The following NBEA variants were observed in gnomAD, a reference collection of about 807,000 sequenced individuals.
NBEA encodes the protein neurobeachin, also known as lysosomal-trafficking regulator 2.
A neutral mutation model predicts 343.4 loss-of-function variants in NBEA; 44 were observed. The ratio of observed to expected loss-of-function variants is 0.13; its 90% CI spans 0.10 to 0.16. The LOEUF is 0.16. Ranked by LOEUF, NBEA falls within the 10% of genes least tolerant of loss-of-function variation. NBEA has a pLI of 1.00. For missense variants in NBEA, 2,555 were observed against 3,631.3 expected (o/e 0.70, Z 7.62); for synonymous variants, 1,175 against 1,238.7 (o/e 0.95, Z 1.08).
At chr13:35,389,854 A>G (rs2042414093) in intron 38 of NBEA, among the ~76,000 whole-genome samples, 1 of 151,900 alleles carries the variant, frequency 6.6e-6, no homozygotes, top group South Asian at 2.1e-4. Flanking sequence ...GAGTATACTA[A>G]TTTTATTATT....
At chr13:35,554,549 C>G (rs377722475) in intron 43 of NBEA, among the ~76,000 whole-genome samples, 128 of 152,312 alleles carry the variant, frequency 8.4e-4, no homozygotes, top group Middle Eastern at 3.4e-3. Context: ...TGTACACACT[C>G]TGTGTGTGTG....
chr13:35,039,193 A>G (rs939870009), intron 1 of NBEA, among the ~76,000 whole-genome samples: 5 of 152,096 alleles, frequency 3.3e-5, no homozygotes, highest in Non-Finnish European at 7.4e-5. Flanking sequence ...TCCCTTCACC[A>G]GCACCCAGAG....
chr13:35,484,181 G>C (rs1594780637), intron 41 of NBEA, among the ~76,000 whole-genome samples: 1 of 149,588 alleles, frequency 6.7e-6, no homozygotes, highest in African/African-American at 2.5e-5. Flanking sequence ...GAAGTTTATT[G>C]CTAGCCATTT....
chr13:35,095,157 C>T (rs912464563), intron 10 of NBEA, among the ~76,000 whole-genome samples: 9 of 151,178 alleles, frequency 6.0e-5, no homozygotes, highest in Non-Finnish European at 1.0e-4. Flanking sequence ...ATATTGAATT[C>T]TAAATAATAT....
intron 13 of NBEA, among the ~76,000 whole-genome samples, chr13:35,113,236 G>C (rs1294387598): frequency 6.6e-6 from 1 of 152,020 alleles, no homozygotes; most frequent in Non-Finnish European, 1.5e-5. Flanking sequence ...AAATAACACA[G>C]AAGTCATATT....
intron 10 of NBEA, among the ~76,000 whole-genome samples, chr13:35,095,839 T>C (rs2065306276): frequency 6.6e-6 from 1 of 152,012 alleles, no homozygotes; most frequent in Admixed American, 6.6e-5. Context: ...TTCTATGTTG[T>C]ATTAGTTTTG....
intron 4 of NBEA, among the ~76,000 whole-genome samples, 179 bp from the exon 5 acceptor site, chr13:35,048,384 C>G (rs1339013172): frequency 6.6e-6 from 1 of 151,882 alleles, no homozygotes; most frequent in African/African-American, 2.4e-5. Flanking sequence ...TCAACAAATA[C>G]TATTTAGGTG....
intron 40 of NBEA, among the ~76,000 whole-genome samples, chr13:35,463,129 A>G (rs2046994610): frequency 2.6e-5 from 4 of 152,224 alleles, no homozygotes; most frequent in Non-Finnish European, 5.9e-5. Flanking sequence ...AAGGGCAGCC[A>G]ATGAAGGAGA....
chr13:35,310,639 T>G (rs1353028414), intron 36 of NBEA, among the ~76,000 whole-genome samples: 1 of 152,194 alleles, frequency 6.6e-6, no homozygotes, highest in Admixed American at 6.5e-5. Flanking sequence ...CAGACGTAGC[T>G]GTCACCATGT....
At chr13:35,229,449 G>A (rs1321266091) in intron 33 of NBEA, among the ~76,000 whole-genome samples, 1 of 152,104 alleles carries the variant, frequency 6.6e-6, no homozygotes, top group Admixed American at 6.6e-5. Flanking sequence ...AAAATAATTT[G>A]CTGAAGAATA....
intron 41 of NBEA, among the ~76,000 whole-genome samples, chr13:35,540,550 G>A (rs1266143775): frequency 1.3e-5 from 2 of 152,162 alleles, no homozygotes; most frequent in Non-Finnish European, 2.9e-5. Context: ...TGAAGCAACT[G>A]TGCCAGTATC....
rs1446289983 is a variant in NBEA at position 35,247,803 on chromosome 13, AT to A, written c.5776+15190del. Among the ~76,000 whole-genome samples, 4 of 152,120 alleles carry A rather than the reference AT, an allele frequency of 2.6e-5. No homozygotes were observed. In the South Asian group the frequency reaches 8.3e-4, roughly 32 times the overall value. On this transcript the variant is annotated intron_variant, in intron 34 of 58. Coordinates refer to ENST00000379939, the MANE Select transcript of NBEA (RefSeq NM_001385012.1). Reference sequence around the variant, plus strand: ...AATTTAGTCTTGCCTCCTATCTGCCATTTTTTCATCTCCCCCAAAATAGTTT... The same window carrying A: ...AATTTAGTCTTGCCTCCTATCTGCCATTTTTCATCTCCCCCAAAATAGTTT...
rs1008638435 is a variant in NBEA at position 35,671,642 on chromosome 13, A to G, written c.*651A>G. On this transcript the variant is annotated 3_prime_UTR_variant, in exon 59 of 59. Transcript: ENST00000379939. ...ATTTGGGCTCCATCAGTAATTTTTG[A>G]CATTTTCACCAAAATATAGTTTGCA... 1.3e-5 allele frequency: 2 copies of G among 152,674 alleles called. No individual in the cohort carries two copies. Among genetic ancestry groups the G allele is most frequent in the African/African-American group, 4.8e-5 (2 of 41,458 alleles). 9.5% of individuals were successfully genotyped at this position (152,674 alleles called of 1,614,324 possible).
intron 40 of NBEA, among the ~76,000 whole-genome samples, chr13:35,456,859 A>G (rs2046606561): frequency 6.6e-6 from 1 of 151,950 alleles, no homozygotes; most frequent in South Asian, 2.1e-4. Context: ...AATTTAGGGA[A>G]TTGTGAGTTA....
intron 41 of NBEA, among the ~76,000 whole-genome samples, chr13:35,493,512 G>T (rs1178012227): frequency 1.3e-5 from 2 of 151,876 alleles, no homozygotes; most frequent in Non-Finnish European, 2.9e-5. Context: ...TGTCCATCAG[G>T]ATATTTTGGT....
At chr13:35,086,700 G>A (rs927909273) in intron 10 of NBEA, among the ~76,000 whole-genome samples, 2 of 151,798 alleles carry the variant, frequency 1.3e-5, no homozygotes, top group African/African-American at 4.8e-5. Context: ...GGGTCGAATG[G>A]TAGTTCTATT....
intron 36 of NBEA, among the ~76,000 whole-genome samples, chr13:35,316,021 C>T (rs2037689977): frequency 6.9e-6 from 1 of 145,140 alleles, no homozygotes; most frequent in African/African-American, 2.5e-5. Flanking sequence ...TCTCTGGAAG[C>T]TACTGGAAAA....
intron 31 of NBEA, 63 bp from the exon 32 acceptor site, chr13:35,208,637 A>G: frequency 7.2e-7 from 1 of 1,395,822 alleles, no homozygotes; most frequent in Non-Finnish European, 9.6e-7. Context: ...TATCTGTTGC[A>G]GCAGGATTAT....
chr13:35,533,282 G>A (rs1294821290), intron 41 of NBEA, among the ~76,000 whole-genome samples: 1 of 152,004 alleles, frequency 6.6e-6, no homozygotes, highest in Non-Finnish European at 1.5e-5. Flanking sequence ...ACTATTTTCT[G>A]TGATTTATCT....
Sources: allele counts gnomAD v4.1 joint callset (sites outside exome capture counted in the v4.1 genomes callset), GRCh38; gene constraint gnomAD v4.1.1; transcripts MANE v1.5; gene names NCBI Gene and HGNC (gene_info 2026-07-23, HGNC 2026-07-21).